The following PCDH15 variants were observed in gnomAD, a reference collection of about 807,000 sequenced individuals.
PCDH15 encodes protocadherin related 15, also known as protocadherin-15.
Under a neutral mutation model 178.5 loss-of-function variants are expected in PCDH15, and 129 were observed. That is an observed-to-expected ratio of 0.72 (90% CI 0.63 to 0.84). The LOEUF (loss-of-function observed/expected upper bound fraction) is 0.84, where lower values mean the gene tolerates loss of function less well. PCDH15 is among the 40% of genes least tolerant of loss of function. The probability of loss-of-function intolerance (pLI) is 0.00; values close to 1 mark genes in which losing one functional copy is unlikely to be tolerated. For missense variants in PCDH15, 2,230 were observed against 2,099.9 expected, an observed-to-expected ratio of 1.06 and a Z score of -1.21; for synonymous variants, 800 against 732.0, an observed-to-expected ratio of 1.09 and a Z score of -1.50.
At chr10:54,853,496 C>T (rs181018580) in intron 3 of PCDH15, among the ~76,000 whole-genome samples, 121 of 146,014 alleles carry the variant, frequency 8.3e-4, no homozygotes, top group African/African-American at 2.9e-3. Flanking sequence ...AATAACTGCT[C>T]CCATTGTTGA....
chr10:54,752,336 G>T (rs1946357127), intron 1 of PCDH15, among the ~76,000 whole-genome samples: 1 of 151,510 alleles, frequency 6.6e-6, no homozygotes, highest in African/African-American at 2.4e-5. Context: ...AATTAGCCGG[G>T]CGTGGTGGCG....
At chr10:55,156,134 T>C (rs1485485413) in intron 2 of PCDH15, among the ~76,000 whole-genome samples, 1 of 152,154 alleles carries the variant, frequency 6.6e-6, no homozygotes, top group Non-Finnish European at 1.5e-5. Flanking sequence ...AATTTATATC[T>C]GCAAAATGTA....
At chr10:55,115,980 C>T (rs1442626091) in intron 2 of PCDH15, among the ~76,000 whole-genome samples, 2 of 152,080 alleles carry the variant, frequency 1.3e-5, no homozygotes, top group Non-Finnish European at 1.5e-5. Context: ...AACAATAGTC[C>T]TACAGGTATC....
intron 3 of PCDH15, among the ~76,000 whole-genome samples, chr10:54,482,339 C>T (rs2078776246): frequency 6.6e-6 from 1 of 151,658 alleles, no homozygotes. Context: ...ACAAGAACAT[C>T]ATATGAACAG....
At chr10:54,165,989 G>T (rs1475553183) in intron 13 of PCDH15, among the ~76,000 whole-genome samples, 5 of 152,134 alleles carry the variant, frequency 3.3e-5, no homozygotes, top group Admixed American at 6.5e-5. Flanking sequence ...GTACAGAAAA[G>T]CCTGTCATGA....
intron 2 of PCDH15, among the ~76,000 whole-genome samples, chr10:55,338,332 G>A (rs942070075): frequency 6.6e-6 from 1 of 152,146 alleles, no homozygotes; most frequent in African/African-American, 2.4e-5. Flanking sequence ...ACATGGTGAA[G>A]AGATACCTGC....
Position 55,045,900 on chromosome 10 carries a change from GA to G in PCDH15, c.-80+120675del, listed in dbSNP as rs200586225. Among the ~76,000 whole-genome samples, 1,322 of 151,426 alleles carry G rather than the reference GA, an allele frequency of 8.7e-3. 20 individuals carry two copies. The highest frequency in any genetic ancestry group is 0.03 in the African/African-American group (1,249 of 41,354). The stretch of plus-strand genomic sequence containing the variant: ...TCCTTTTTCCCCGACTTTTCACTTG[GA>G]AAAAAAAGGTAGAAATATACAGTAT... On this transcript the variant is annotated intron_variant, in intron 2 of 5. Coordinates refer to the PCDH15 transcript ENST00000458638.
At chr10:54,425,326 G>A (rs1956139167) in intron 3 of PCDH15, among the ~76,000 whole-genome samples, 1 of 152,058 alleles carries the variant, frequency 6.6e-6, no homozygotes, top group Admixed American at 6.6e-5. Flanking sequence ...AGAAGGGGAA[G>A]ATAGACCTGA....
chr10:54,048,243 T>C (rs991900981), intron 18 of PCDH15, among the ~76,000 whole-genome samples: 1 of 152,120 alleles, frequency 6.6e-6, no homozygotes, highest in Non-Finnish European at 1.5e-5. Context: ...AAATTTTTAA[T>C]GGCCTTATTT....
intron 1 of PCDH15, among the ~76,000 whole-genome samples, chr10:55,310,260 T>G (rs1843551220): frequency 6.6e-6 from 1 of 152,218 alleles, no homozygotes; most frequent in African/African-American, 2.4e-5. Context: ...ATTTCTATTT[T>G]ATTATGCCCC....
intron 3 of PCDH15, among the ~76,000 whole-genome samples, chr10:54,385,054 A>AG (rs2135188472): frequency 6.6e-6 from 1 of 152,240 alleles, no homozygotes; most frequent in South Asian, 2.1e-4. Context: ...TCCAAATCCA[A>AG]GTGTATATTC....
rs576668779 is a variant in PCDH15, at chr10:54,864,633, A to G, written c.-29+32817T>C. 1.8e-4 allele frequency: 27 copies of G among 152,286 alleles called. No homozygotes were observed. The East Asian group carries it at 4.1e-3, about 23-fold the overall frequency. The allele number at this position is 152,286 out of a possible 1,614,324, so 9.4% of individuals were successfully genotyped here. Reference sequence around the variant, plus strand: ...TGCATCAAGGTTTTTGGGAGGTTGCAGTCAAGCTGTTGGCTATGGCTGCAG... The same window carrying G: ...TGCATCAAGGTTTTTGGGAGGTTGCGGTCAAGCTGTTGGCTATGGCTGCAG... On this transcript the variant is annotated intron_variant, in intron 3 of 5. Transcript: ENST00000458638.
intron 2 of PCDH15, among the ~76,000 whole-genome samples, chr10:55,358,811 A>T (rs1394438455): frequency 6.6e-6 from 1 of 152,132 alleles, no homozygotes; most frequent in East Asian, 1.9e-4. Context: ...AAAGTTGCTT[A>T]TTAGTTTGCT....
intron 3 of PCDH15, among the ~76,000 whole-genome samples, chr10:54,474,981 A>C (rs2078179724): frequency 6.6e-6 from 1 of 152,016 alleles, no homozygotes; most frequent in Admixed American, 6.6e-5. Context: ...AAACAGTATG[A>C]AATTTAGCCT....
At chr10:54,003,010 A>AG (rs2092237245) in intron 20 of PCDH15, among the ~76,000 whole-genome samples, 2 of 152,168 alleles carry the variant, frequency 1.3e-5, no homozygotes, top group South Asian at 4.1e-4. Flanking sequence ...TGTAACACTC[A>AG]CTGTGAAGGT....
intron 2 of PCDH15, among the ~76,000 whole-genome samples, chr10:55,369,485 C>T (rs1845446672): frequency 6.6e-6 from 1 of 151,918 alleles, no homozygotes; most frequent in Admixed American, 6.6e-5. Flanking sequence ...GAGCATTTAT[C>T]CAAGAGTGAC....
chr10:54,675,460 G>T lies in PCDH15; in HGVS notation c.-28-11170C>A, dbSNP rs200351359. On this transcript the variant is annotated intron_variant, in intron 1 of 37. Transcript: ENST00000644397. ...TTTAATTCTAAGGCCTTTTCATGTT[G>T]TTTTTTTTTTTTTTTTCAATCTGAT... 7.8e-3 allele frequency among the ~76,000 whole-genome samples: 920 copies of T among 117,754 alleles called. 5 individuals are homozygous for T. Among genetic ancestry groups the T allele is most frequent in the Non-Finnish European group, 0.011 (627 of 55,270 alleles). 77.3% of individuals were successfully genotyped at this position (117,754 alleles called of 152,430 possible). A position where few individuals can be genotyped will look rare whatever the true frequency, so the allele number is the denominator to read the frequency against.
At chr10:54,230,532 C>T (rs2053948540) in intron 9 of PCDH15, among the ~76,000 whole-genome samples, 1 of 151,874 alleles carries the variant, frequency 6.6e-6, no homozygotes. Flanking sequence ...GTGATATATG[C>T]ATTGAGGAAG....
At chr10:54,298,674 C>A (rs139924497) in intron 8 of PCDH15, among the ~76,000 whole-genome samples, 1 of 152,184 alleles carries the variant, frequency 6.6e-6, no homozygotes, top group Non-Finnish European at 1.5e-5. Context: ...CTGAGGGTGC[C>A]TGGGGCAAGT....
Sources: allele counts gnomAD v4.1 joint callset (sites outside exome capture counted in the v4.1 genomes callset), GRCh38; gene constraint gnomAD v4.1.1; transcripts MANE v1.5; gene names NCBI Gene and HGNC (gene_info 2026-07-23, HGNC 2026-07-21).